Variants in RAPGEF5 observed in about 807,000 individuals in gnomAD.
The protein encoded by RAPGEF5 is M-Ras-regulated GEF.
In RAPGEF5, 65 loss-of-function variants were observed where a neutral mutation model predicts 125.2. That is an observed-to-expected ratio of 0.52 (90% CI 0.43 to 0.64). RAPGEF5 has a LOEUF of 0.64. Among genes scored for constraint, RAPGEF5 ranks in the 30% least tolerant of loss-of-function variants. The pLI is 0.00. For synonymous variants in RAPGEF5, 391 were observed against 385.9 expected (o/e 1.01, Z -0.16); for missense variants, 958 against 1,048.1 (o/e 0.91, Z 1.19).
At position 22,162,412 on chromosome 7, in the gene RAPGEF5, T is replaced by G; in HGVS notation, c.1413A>C (p.Ser471=). 27 of 1,587,748 alleles carry G rather than the reference T, an allele frequency of 1.7e-5. No individual in the cohort carries two copies. The highest frequency in any genetic ancestry group is 2.2e-5 in the Non-Finnish European group (26 of 1,157,290). The change falls in exon 13 of 26, where the codon TCA becomes TCC. Residue 471 remains serine, a synonymous_variant. Transcript: ENST00000665637. ...YKDWLPEDEH[S]KMFLKTIYRN... ...GTTTGATTACCTTTAAAAACATTTTTGAATGTTCATCTTCAGGTAACCAGT... is the reference window on the plus strand; with the variant it reads ...GTTTGATTACCTTTAAAAACATTTTGGAATGTTCATCTTCAGGTAACCAGT...
At chr7:22,256,009 G>C (rs1373970205) in intron 7 of RAPGEF5, among the ~76,000 whole-genome samples, 1 of 152,178 alleles carries the variant, frequency 6.6e-6, no homozygotes, top group Non-Finnish European at 1.5e-5. Flanking sequence ...TTGTGATTGA[G>C]ACAGTGCAAA....
intron 20 of RAPGEF5, among the ~76,000 whole-genome samples, chr7:22,141,927 G>T (rs1182862840): frequency 6.6e-6 from 1 of 152,176 alleles, no homozygotes; most frequent in Non-Finnish European, 1.5e-5. Flanking sequence ...CTGCATTTGA[G>T]AATCACTGCC....
intron 10 of RAPGEF5, 124 bp from the exon 11 acceptor site, chr7:22,193,579 G>A (rs1004884068): frequency 6.4e-7 from 1 of 1,551,392 alleles, no homozygotes; most frequent in Admixed American, 2.0e-5. Flanking sequence ...GGTAGGCAAG[G>A]GCAGCTCTCG....
At chr7:22,248,113 T>C (rs965437752) in intron 7 of RAPGEF5, among the ~76,000 whole-genome samples, 5 of 152,114 alleles carry the variant, frequency 3.3e-5, no homozygotes, top group African/African-American at 4.8e-5. Flanking sequence ...ACCCTTTGAC[T>C]CTAAAATTAA....
Position 22,119,529 on chromosome 7 carries a change from G to A in RAPGEF5, c.*2877C>T, listed in dbSNP as rs1782518378. 6.6e-6 allele frequency: 1 copy of A among 152,136 alleles called. No individual in the cohort carries two copies. The highest frequency in any genetic ancestry group is 1.5e-5 in the Non-Finnish European group (1 of 68,030). 9.4% of individuals were successfully genotyped at this position (152,136 alleles called of 1,614,324 possible). A position where few individuals can be genotyped will look rare whatever the true frequency, so the allele number is the denominator to read the frequency against. On this transcript the variant is annotated 3_prime_UTR_variant, in exon 26 of 26. Transcript: ENST00000665637. The surrounding 1 kb of genome is among the most constrained non-coding windows in gnomAD (Gnocchi z 4.1). Reference sequence around the variant, plus strand: ...AAAACAAAATTTTTTTTAATAGCAAGGTTGTGATTTTGCCTACGGGGTCCT... The same window carrying A: ...AAAACAAAATTTTTTTTAATAGCAAAGTTGTGATTTTGCCTACGGGGTCCT...
At chr7:22,228,113 T>C (rs1785964374) in intron 8 of RAPGEF5, among the ~76,000 whole-genome samples, 1 of 152,152 alleles carries the variant, frequency 6.6e-6, no homozygotes, top group Non-Finnish European at 1.5e-5. Flanking sequence ...GAGGCTGATT[T>C]GTTGGGTGCT....
intron 9 of RAPGEF5, among the ~76,000 whole-genome samples, chr7:22,217,772 C>T (rs746351465): frequency 6.6e-5 from 10 of 152,200 alleles, no homozygotes; most frequent in Middle Eastern, 3.4e-3. Flanking sequence ...GAAACAAAAA[C>T]GTTTCAGAGC....
intron 5 of RAPGEF5, among the ~76,000 whole-genome samples, chr7:22,301,219 A>G (rs551299770): frequency 1.3e-4 from 20 of 152,328 alleles, no homozygotes; most frequent in African/African-American, 4.8e-4. Flanking sequence ...AGCTCCATCA[A>G]TAGATTATTC....
chr7:22,318,062 A>G (rs1411418204), intron 1 of RAPGEF5, 25 bp from the exon 2 acceptor site: 6 of 1,520,208 alleles, frequency 3.9e-6, no homozygotes, highest in Non-Finnish European at 5.3e-6. Context: ...GAAAAAAAAA[A>G]TAGTTAGAAC....
At chr7:22,156,360 C>T (rs778382336) in intron 16 of RAPGEF5, among the ~76,000 whole-genome samples, 2 of 152,174 alleles carry the variant, frequency 1.3e-5, no homozygotes, top group Non-Finnish European at 2.9e-5. Context: ...GAGCTTCTAC[C>T]GTACAGCCTT....
intron 4 of RAPGEF5, among the ~76,000 whole-genome samples, chr7:22,309,272 TAAG>T (rs2128152714): frequency 6.6e-6 from 1 of 152,346 alleles, no homozygotes; most frequent in East Asian, 1.9e-4. Flanking sequence ...ATTGACTATC[TAAG>T]AAGATTACAC....
intron 5 of RAPGEF5, among the ~76,000 whole-genome samples, chr7:22,295,463 G>A (rs1461627112): frequency 2.0e-5 from 3 of 152,010 alleles, no homozygotes; most frequent in African/African-American, 7.3e-5. Flanking sequence ...AATATAATCA[G>A]GCCTAGATGT....
chr7:22,130,416 G>A (rs759745255), intron 24 of RAPGEF5, among the ~76,000 whole-genome samples: 1 of 152,182 alleles, frequency 6.6e-6, no homozygotes, highest in Non-Finnish European at 1.5e-5. Flanking sequence ...ATTTAGAGAG[G>A]ATTGCCCTGG....
chr7:22,144,673 A>G (rs1783372525), intron 20 of RAPGEF5, among the ~76,000 whole-genome samples: 1 of 152,170 alleles, frequency 6.6e-6, no homozygotes, highest in Non-Finnish European at 1.5e-5. Context: ...AGCAGGTCCT[A>G]CAATGCACCT....
intron 7 of RAPGEF5, among the ~76,000 whole-genome samples, chr7:22,242,725 G>A (rs1377546293): frequency 6.6e-6 from 1 of 152,124 alleles, no homozygotes; most frequent in Non-Finnish European, 1.5e-5. Flanking sequence ...GCCGAGGCAG[G>A]CGGATCACCT....
chr7:22,318,085 T>G, intron 1 of RAPGEF5, 48 bp from the exon 2 acceptor site: 1 of 1,497,686 alleles, frequency 6.7e-7, no homozygotes, highest in Non-Finnish European at 8.8e-7. Flanking sequence ...AATAAACTTT[T>G]GTACCAAAAA....
chr7:22,304,441 C>A (rs1379393256), intron 5 of RAPGEF5, among the ~76,000 whole-genome samples: 8 of 152,176 alleles, frequency 5.3e-5, no homozygotes, highest in Admixed American at 5.2e-4. Context: ...CAAAAGACTG[C>A]AAGTAATCTG....
intron 11 of RAPGEF5, among the ~76,000 whole-genome samples, chr7:22,190,015 C>G (rs1471961561): frequency 6.6e-6 from 1 of 152,194 alleles, no homozygotes; most frequent in Non-Finnish European, 1.5e-5. Context: ...GGCAGAGTGG[C>G]TCACGCATGT....
At chr7:22,144,988 C>G (rs1047609779) in intron 20 of RAPGEF5, 56 bp downstream of exon 20, 11 of 1,543,548 alleles carry the variant, frequency 7.1e-6, no homozygotes, top group Non-Finnish European at 9.7e-6. Context: ...GAAAGAAGAA[C>G]AATGTACTCT....
Sources: allele counts gnomAD v4.1 joint callset (sites outside exome capture counted in the v4.1 genomes callset), GRCh38; gene constraint gnomAD v4.1.1; non-coding constraint Gnocchi (gnomAD v3.1); transcripts MANE v1.5; gene names NCBI Gene and HGNC (gene_info 2026-07-23, HGNC 2026-07-21).